The following SAMTOR variants were observed in gnomAD, a reference collection of about 807,000 sequenced individuals.
SAMTOR encodes the protein S-adenosylmethionine sensor upstream of mTORC1.
chr7:112,872,125 A>G, the SAMTOR span, among the ~76,000 whole-genome samples: 1 of 152,306 alleles, frequency 6.6e-6, no homozygotes. Flanking sequence ...AACTCATTCT[A>G]TGAAACCAGT....
At chr7:112,848,894 C>G in the SAMTOR span, among the ~76,000 whole-genome samples, 1 of 151,732 alleles carries the variant, frequency 6.6e-6, no homozygotes, top group Non-Finnish European at 1.5e-5. Context: ...CTAAAAATAC[C>G]AAAAATTAGC....
chr7:112,922,853 C>T, the SAMTOR span, among the ~76,000 whole-genome samples: 5 of 145,442 alleles, frequency 3.4e-5, no homozygotes, highest in African/African-American at 5.2e-5. Context: ...CCCCGCCCGG[C>T]CAGCCACCCC....
chr7:112,914,299 C>T, the SAMTOR span, among the ~76,000 whole-genome samples: 1 of 102,026 alleles, frequency 9.8e-6, no homozygotes, highest in African/African-American at 4.3e-5. Flanking sequence ...TTTTTTGGTC[C>T]AGGGTTACTT....
chr7:112,902,897 G>T, the SAMTOR span, among the ~76,000 whole-genome samples: 1 of 152,218 alleles, frequency 6.6e-6, no homozygotes, highest in African/African-American at 2.4e-5. Flanking sequence ...GTATTAAACT[G>T]AGAGGGACAC....
the SAMTOR span, among the ~76,000 whole-genome samples, chr7:112,908,135 T>A: frequency 9.2e-5 from 14 of 152,304 alleles, no homozygotes; most frequent in East Asian, 2.7e-3. Flanking sequence ...AGGTATCAAT[T>A]GTCAAACATT....
the SAMTOR span, among the ~76,000 whole-genome samples, chr7:112,897,343 A>G: frequency 6.6e-6 from 1 of 152,156 alleles, no homozygotes; most frequent in Non-Finnish European, 1.5e-5. Flanking sequence ...AAAAATGTAG[A>G]CTTTATCAAC....
the SAMTOR span, among the ~76,000 whole-genome samples, chr7:112,922,497 A>G: frequency 6.8e-6 from 1 of 148,056 alleles, no homozygotes; most frequent in African/African-American, 2.5e-5. Flanking sequence ...CCGCCATCCC[A>G]TCTAGGAAGT....
chr7:112,892,646 C>T, the SAMTOR span, among the ~76,000 whole-genome samples: 1 of 151,884 alleles, frequency 6.6e-6, no homozygotes, highest in African/African-American at 2.4e-5. Context: ...GTGGTGCATG[C>T]TTGTGGTGCC....
the SAMTOR span, among the ~76,000 whole-genome samples, chr7:112,907,235 A>C: frequency 6.6e-6 from 1 of 152,196 alleles, no homozygotes; most frequent in Non-Finnish European, 1.5e-5. Flanking sequence ...CAAATTACTG[A>C]AGAAAAGGTA....
At chr7:112,857,239 C>T in the SAMTOR span, among the ~76,000 whole-genome samples, 1 of 150,458 alleles carries the variant, frequency 6.6e-6, no homozygotes, top group African/African-American at 2.5e-5. Flanking sequence ...CTACAGGCGC[C>T]CACCACCGCG....
At chr7:112,864,866 C>T in the SAMTOR span, among the ~76,000 whole-genome samples, 25 of 152,256 alleles carry the variant, frequency 1.6e-4, no homozygotes, top group East Asian at 1.2e-3. Context: ...GTGATCCTCC[C>T]GCCTCAGTCT....
the SAMTOR span, among the ~76,000 whole-genome samples, chr7:112,870,986 C>G: frequency 6.6e-6 from 1 of 152,004 alleles, no homozygotes; most frequent in Non-Finnish European, 1.5e-5. Flanking sequence ...ACTGAACTAC[C>G]CTAAATAATA....
chr7:112,821,877 T>C, the SAMTOR span: 1 of 1,613,614 alleles, frequency 6.2e-7, no homozygotes, highest in Non-Finnish European at 8.5e-7. Context: ...ATCTTCTATA[T>C]CTGATCGAAC....
At chr7:112,903,184 G>A in the SAMTOR span, among the ~76,000 whole-genome samples, 7 of 151,940 alleles carry the variant, frequency 4.6e-5, no homozygotes, top group African/African-American at 1.7e-4. Context: ...GTAGTGGCAG[G>A]TGCCTGTAAT....
At chr7:112,900,672 A>G in the SAMTOR span, among the ~76,000 whole-genome samples, 2 of 152,200 alleles carry the variant, frequency 1.3e-5, no homozygotes, top group Non-Finnish European at 2.9e-5. Flanking sequence ...CAGTGTGGTA[A>G]TGGTGAAAGA....
chr7:112,920,020 A>G, the SAMTOR span, among the ~76,000 whole-genome samples: 1 of 152,000 alleles, frequency 6.6e-6, no homozygotes, highest in East Asian at 1.9e-4. Context: ...TACCAGAGGT[A>G]CAAGGAGGAA....
chr7:112,917,716 T>C, the SAMTOR span, among the ~76,000 whole-genome samples: 2 of 151,648 alleles, frequency 1.3e-5, no homozygotes, highest in East Asian at 1.9e-4. Context: ...TTTAGACAAA[T>C]GTATAACTAG....
the SAMTOR span, among the ~76,000 whole-genome samples, chr7:112,831,277 A>G: frequency 6.6e-6 from 1 of 152,218 alleles, no homozygotes; most frequent in Non-Finnish European, 1.5e-5. Flanking sequence ...TTTTTCTGAT[A>G]TAAATAATGT....
chr7:112,893,890 A>C, the SAMTOR span, among the ~76,000 whole-genome samples: 1 of 152,242 alleles, frequency 6.6e-6, no homozygotes, highest in African/African-American at 2.4e-5. Context: ...CGACAGAGCG[A>C]GACTCCGTCT....
Sources: allele counts gnomAD v4.1 joint callset (sites outside exome capture counted in the v4.1 genomes callset), GRCh38; gene constraint gnomAD v4.1.1; transcripts MANE v1.5; gene names NCBI Gene and HGNC (gene_info 2026-07-23, HGNC 2026-07-21).